Variants in PCDH9 observed in about 807,000 individuals in gnomAD.
The protein encoded by PCDH9 is protocadherin 9, also known as protocadherin-9.
PCDH9 carries 24 observed loss-of-function variants against 70.6 expected under a neutral mutation model. That is an observed-to-expected ratio of 0.34 (90% CI 0.25 to 0.48). PCDH9 has a LOEUF of 0.48. PCDH9 is among the 20% of genes least tolerant of loss of function. The probability of loss-of-function intolerance (pLI) is 0.99; values close to 1 mark genes in which losing one functional copy is unlikely to be tolerated. For missense variants in PCDH9, 1,281 were observed against 1,503.6 expected, an observed-to-expected ratio of 0.85 and a Z score of 2.45; for synonymous variants, 562 against 558.5, an observed-to-expected ratio of 1.01 and a Z score of -0.09.
chr13:67,147,902 C>T (rs79596982), intron 2 of PCDH9, among the ~76,000 whole-genome samples: 79 of 152,298 alleles, frequency 5.2e-4, no homozygotes, highest in African/African-American at 1.9e-3. Flanking sequence ...CACCCCCTAT[C>T]CCAGTAAATG....
intron 4 of PCDH9, among the ~76,000 whole-genome samples, chr13:66,337,817 T>A: frequency 6.6e-6 from 1 of 152,058 alleles, no homozygotes; most frequent in East Asian, 1.9e-4. Context: ...TTGTTTCAAA[T>A]GAGGAGAAAT....
intron 2 of PCDH9, among the ~76,000 whole-genome samples, chr13:66,965,049 A>C (rs2083409328): frequency 6.6e-6 from 1 of 152,086 alleles, no homozygotes; most frequent in Non-Finnish European, 1.5e-5. Flanking sequence ...AAAGTATTTA[A>C]AATTTTTGAC....
At chr13:66,590,794 T>G (rs2077029391) in intron 4 of PCDH9, among the ~76,000 whole-genome samples, 1 of 151,850 alleles carries the variant, frequency 6.6e-6, no homozygotes, top group Admixed American at 6.6e-5. Context: ...TCCCTAGACT[T>G]AAAAAATTTG....
chr13:67,185,118 A>G (rs1425195211), intron 2 of PCDH9, among the ~76,000 whole-genome samples: 1 of 152,228 alleles, frequency 6.6e-6, no homozygotes, highest in Non-Finnish European at 1.5e-5. Flanking sequence ...CAATTAAAAT[A>G]AATATATTGT....
chr13:66,779,495 T>C (rs1015738806), intron 3 of PCDH9, among the ~76,000 whole-genome samples: 4 of 152,120 alleles, frequency 2.6e-5, no homozygotes, highest in Non-Finnish European at 4.4e-5. Flanking sequence ...AAAAAATATA[T>C]TGCACGATCT....
At chr13:66,596,225 T>C (rs552430020) in intron 4 of PCDH9, among the ~76,000 whole-genome samples, 224 of 151,782 alleles carry the variant, frequency 1.5e-3, no homozygotes, top group Non-Finnish European at 1.9e-3. Context: ...TATTACATAC[T>C]GTTTTGTCCA....
rs2078720219 is a variant in PCDH9, at chr13:66,707,001, G to A, written c.3139-75590C>T. Among the ~76,000 whole-genome samples the A allele has an allele frequency of 1.3e-5, 2 of 152,064 alleles. 1 individual carries two copies. Among genetic ancestry groups the A allele is most frequent in the South Asian group, 4.1e-4 (2 of 4,820 alleles). On this transcript the variant is annotated intron_variant, in intron 3 of 4. Coordinates refer to ENST00000377865, the MANE Select transcript of PCDH9 (RefSeq NM_203487.3). ...GCTGGGGACAAAGCTTTGAGCCAAA[G>A]GTAAAGAAGAATAAATCAGAATAAG...
intron 2 of PCDH9, among the ~76,000 whole-genome samples, chr13:67,081,427 G>A (rs1171061486): frequency 6.6e-6 from 1 of 152,072 alleles, no homozygotes; most frequent in Non-Finnish European, 1.5e-5. Flanking sequence ...AATTATTCAG[G>A]TGTGATGGCA....
At chr13:67,022,996 A>G (rs2084709057) in intron 2 of PCDH9, among the ~76,000 whole-genome samples, 1 of 152,206 alleles carries the variant, frequency 6.6e-6, no homozygotes, top group South Asian at 2.1e-4. Flanking sequence ...TGAATCTGAA[A>G]ATAGCAATTT....
At chr13:66,938,106 A>G (rs971471294) in intron 2 of PCDH9, among the ~76,000 whole-genome samples, 6 of 152,198 alleles carry the variant, frequency 3.9e-5, no homozygotes, top group African/African-American at 1.2e-4. Flanking sequence ...AGTAACTTCC[A>G]TAAGTGGCAG....
At chr13:66,448,005 T>C (rs183942642) in intron 4 of PCDH9, among the ~76,000 whole-genome samples, 1 of 152,284 alleles carries the variant, frequency 6.6e-6, no homozygotes, top group East Asian at 1.9e-4. Context: ...TATGCCTTAA[T>C]CATTTAGTTA....
At chr13:66,691,187 C>A (rs1487546396) in intron 3 of PCDH9, among the ~76,000 whole-genome samples, 4 of 152,076 alleles carry the variant, frequency 2.6e-5, no homozygotes, top group Non-Finnish European at 4.4e-5. Context: ...CAGGCTCCTG[C>A]CACCATGCCT....
intron 2 of PCDH9, among the ~76,000 whole-genome samples, chr13:66,915,283 C>T (rs1052856921): frequency 6.6e-6 from 1 of 151,514 alleles, no homozygotes; most frequent in African/African-American, 2.4e-5. Flanking sequence ...TTTATTGAAG[C>T]ATGGCTTTTT....
At chr13:66,616,484 C>CTTTTTTTTTTTTTTTTTTTTTTTTT (rs60587237) in intron 4 of PCDH9, among the ~76,000 whole-genome samples, 1 of 116,670 alleles carries the variant, frequency 8.6e-6, no homozygotes, top group Non-Finnish European at 1.7e-5. Flanking sequence ...TTCTAAAATT[C>CTTTTTTTTTTTTTTTTTTTTTTTTT]TTTTTTTTTT....
chr13:67,198,564 C>A (rs2089132974), intron 2 of PCDH9, among the ~76,000 whole-genome samples: 1 of 151,816 alleles, frequency 6.6e-6, no homozygotes, highest in Non-Finnish European at 1.5e-5. Flanking sequence ...GTGAAACATA[C>A]CAAATCATGA....
chr13:67,183,061 C>A (rs1439525824), intron 2 of PCDH9, among the ~76,000 whole-genome samples: 2 of 152,058 alleles, frequency 1.3e-5, no homozygotes, highest in East Asian at 1.9e-4. Context: ...ATGACTGTTA[C>A]TACTACTATA....
chr13:66,552,265 C>A (rs1014650868), intron 4 of PCDH9, among the ~76,000 whole-genome samples: 2 of 152,050 alleles, frequency 1.3e-5, no homozygotes, highest in African/African-American at 4.8e-5. Flanking sequence ...TAAATTATTC[C>A]CCTATCTCAA....
chr13:67,002,717 G>T (rs1321448532), intron 2 of PCDH9, among the ~76,000 whole-genome samples: 1 of 151,886 alleles, frequency 6.6e-6, no homozygotes, highest in Non-Finnish European at 1.5e-5. Flanking sequence ...AATCTTCTAT[G>T]AACTTCTTTT....
intron 2 of PCDH9, among the ~76,000 whole-genome samples, chr13:67,162,441 A>T (rs2087988860): frequency 6.6e-6 from 1 of 152,208 alleles, no homozygotes; most frequent in Non-Finnish European, 1.5e-5. Flanking sequence ...GCTTTATTAA[A>T]GTTCATCTTT....
Sources: gnomAD v4.1 joint callset for allele counts (sites outside exome capture counted in the v4.1 genomes callset) on GRCh38, gnomAD v4.1.1 for gene constraint, MANE v1.5 for transcripts, NCBI Gene and HGNC (gene_info 2026-07-23, HGNC 2026-07-21) for gene names.